PIP4K2A: variants seen among roughly 807,000 people sequenced by gnomAD.
PIP4K2A encodes phosphatidylinositol-5-phosphate 4-kinase type 2 alpha, also known as phosphatidylinositol 5-phosphate 4-kinase type-2 alpha.
Under a neutral mutation model 42.9 loss-of-function variants are expected in PIP4K2A, and 14 were observed. The observed-to-expected ratio is 0.33, with a 90% CI of 0.22 to 0.51. The LOEUF is 0.51. PIP4K2A is among the 20% of genes least tolerant of loss of function. PIP4K2A has a pLI of 0.97. For missense variants in PIP4K2A, 434 were observed against 519.8 expected, an observed-to-expected ratio of 0.83 and a Z score of 1.61; for synonymous variants, 192 against 192.2, an observed-to-expected ratio of 1.00 and a Z score of 0.01.
chr10:22,617,026 AAC>A (rs1173468647), intron 1 of PIP4K2A, among the ~76,000 whole-genome samples: 1 of 152,256 alleles, frequency 6.6e-6, no homozygotes, highest in Non-Finnish European at 1.5e-5. Context: ...AAAACACAGT[AAC>A]ATTTATGTGG....
At chr10:22,631,627 T>C (rs1382660051) in intron 1 of PIP4K2A, among the ~76,000 whole-genome samples, 2 of 152,198 alleles carry the variant, frequency 1.3e-5, no homozygotes, top group Admixed American at 6.5e-5. Context: ...TAAGAATCTA[T>C]GATTTCACGT....
intron 1 of PIP4K2A, among the ~76,000 whole-genome samples, chr10:22,634,670 T>G (rs373615136): frequency 1.3e-5 from 2 of 152,168 alleles, no homozygotes; most frequent in Non-Finnish European, 2.9e-5. Context: ...TCTTCTCTCT[T>G]TCTCTCTCTC....
At position 22,535,546 on chromosome 10, in the gene PIP4K2A, C is replaced by G. The variant is rs910199210; in HGVS notation, c.*1655G>C. 1 of 152,212 alleles carries G rather than the reference C, an allele frequency of 6.6e-6. No homozygotes were observed. The highest frequency in any genetic ancestry group is 1.5e-5 in the Non-Finnish European group (1 of 68,042). The allele number at this position is 152,212 out of a possible 1,614,324, so 9.4% of individuals were successfully genotyped here. The stretch of plus-strand genomic sequence containing the variant: ...GGAAAAGGCAGTACGGCAGGGAGAT[C>G]TGTTGAGTTGCAAGTAATAATTAAA... On this transcript the variant is annotated 3_prime_UTR_variant, in exon 10 of 10. Transcript: ENST00000376573.
chr10:22,698,370 T>C (rs1459738018), intron 1 of PIP4K2A, among the ~76,000 whole-genome samples: 1 of 152,216 alleles, frequency 6.6e-6, no homozygotes, highest in East Asian at 1.9e-4. Context: ...TAATCTGGTA[T>C]AACCCTTTTT....
At chr10:22,568,768 T>C (rs914533574) in intron 5 of PIP4K2A, among the ~76,000 whole-genome samples, 2 of 152,164 alleles carry the variant, frequency 1.3e-5, no homozygotes, top group African/African-American at 4.8e-5. Flanking sequence ...GGGAAACAAA[T>C]GGTCTGGTGA....
intron 1 of PIP4K2A, among the ~76,000 whole-genome samples, chr10:22,665,072 A>C (rs527510211): frequency 6.6e-6 from 1 of 152,308 alleles, no homozygotes; most frequent in African/African-American, 2.4e-5. Flanking sequence ...ATCTTTATGG[A>C]TATATTTAAT....
At chr10:22,687,613 T>C (rs975823046) in intron 1 of PIP4K2A, among the ~76,000 whole-genome samples, 4 of 151,868 alleles carry the variant, frequency 2.6e-5, no homozygotes, top group Admixed American at 1.3e-4. Flanking sequence ...TCCTTTGAGA[T>C]CAGTGGACAA....
Position 22,537,240 on chromosome 10 carries a change from T to C in PIP4K2A, c.1182A>G (p.Ser394=), listed in dbSNP as rs1403388818. ...EISTVNPEQY[S]KRFLDFIGHI... is the part of the protein sequence containing the mutation. ...GGCCAATAAAGTCCAAAAAGCGCTT[T>C]GAATACTGTTCTGGGTTCACGGTGG... The change falls in exon 10 of 10, where the codon TCA becomes TCG. Residue 394 remains serine, a synonymous_variant. Transcript: ENST00000376573. 6.2e-7 allele frequency: 1 copy of C among 1,606,982 alleles called. No individual in the cohort carries two copies. Among genetic ancestry groups the C allele is most frequent in the African/African-American group, 1.3e-5 (1 of 74,730 alleles).
intron 1 of PIP4K2A, among the ~76,000 whole-genome samples, chr10:22,620,144 A>C (rs12354766): frequency 0.19 from 28,635 of 152,234 alleles, 3,455 homozygotes; most frequent in Non-Finnish European, 0.27. Flanking sequence ...CCCATCTGTC[A>C]ACTTGGTATC....
At chr10:22,549,305 TACAAATGTATG>T (rs1836337279) in intron 7 of PIP4K2A, among the ~76,000 whole-genome samples, 1 of 152,100 alleles carries the variant, frequency 6.6e-6, no homozygotes, top group Non-Finnish European at 1.5e-5. Flanking sequence ...TCATGGGAAA[TACAAATGTATG>T]ACACTCATTC....
intron 1 of PIP4K2A, among the ~76,000 whole-genome samples, chr10:22,679,034 T>C (rs1839613385): frequency 1.3e-5 from 2 of 152,242 alleles, no homozygotes; most frequent in Admixed American, 1.3e-4. Flanking sequence ...TGTTAGGCAA[T>C]GGTTTCTTGG....
At chr10:22,541,711 A>T (rs1256724180) in intron 8 of PIP4K2A, 93 bp downstream of exon 8, 1 of 1,389,834 alleles carries the variant, frequency 7.2e-7, no homozygotes, top group Non-Finnish European at 9.6e-7. Flanking sequence ...GCCGGGCAGC[A>T]CCCTCATAAC....
At chr10:22,550,608 C>A in intron 7 of PIP4K2A, 51 bp downstream of exon 7, 1 of 1,004,720 alleles carries the variant, frequency 1.0e-6, no homozygotes, top group Non-Finnish European at 1.6e-6. Context: ...TAAAACCCAA[C>A]AGGGCTGATA....
intron 1 of PIP4K2A, among the ~76,000 whole-genome samples, chr10:22,679,049 G>C (rs528694408): frequency 1.1e-4 from 17 of 152,152 alleles, no homozygotes; most frequent in Non-Finnish European, 2.1e-4. Context: ...TCTTGGATGT[G>C]ACACCAACGG....
intron 1 of PIP4K2A, chr10:22,694,754 T>C (rs2130905214): frequency 6.6e-6 from 1 of 152,382 alleles, no homozygotes; most frequent in Middle Eastern, 3.4e-3. Context: ...AGATGTGCTT[T>C]TGTATCTTTT....
At chr10:22,664,143 A>ATATATATATATACATATATATATACG (rs1839285980) in intron 1 of PIP4K2A, among the ~76,000 whole-genome samples, 1 of 27,882 alleles carries the variant, frequency 3.6e-5, no homozygotes, top group Non-Finnish European at 5.5e-5. Context: ...ATATATATAC[A>ATATATATATATACATATATATATACG]TATATATACA....
At chr10:22,560,809 A>T (rs967777624) in intron 6 of PIP4K2A, among the ~76,000 whole-genome samples, 1 of 152,222 alleles carries the variant, frequency 6.6e-6, no homozygotes, top group Non-Finnish European at 1.5e-5. Flanking sequence ...CAGGATGATG[A>T]ACAAAATGCA....
chr10:22,667,331 G>A (rs569457068), intron 1 of PIP4K2A, among the ~76,000 whole-genome samples: 2 of 152,276 alleles, frequency 1.3e-5, no homozygotes, highest in African/African-American at 2.4e-5. Context: ...TTTGATGTGT[G>A]TATTCAAACA....
chr10:22,698,827 T>C (rs1833649991), intron 1 of PIP4K2A, among the ~76,000 whole-genome samples: 2 of 152,238 alleles, frequency 1.3e-5, no homozygotes, highest in South Asian at 4.1e-4. Flanking sequence ...TTTTTATATT[T>C]GTGTGTGTTT....
Sources: gnomAD v4.1 joint callset for allele counts (sites outside exome capture counted in the v4.1 genomes callset) on GRCh38, gnomAD v4.1.1 for gene constraint, MANE v1.5 for transcripts, NCBI Gene and HGNC (gene_info 2026-07-23, HGNC 2026-07-21) for gene names.